Variants in NFASC observed in about 807,000 individuals in gnomAD.
NFASC encodes the protein neurofascin homolog.
Under a neutral mutation model 147.5 loss-of-function variants are expected in NFASC, and 43 were observed. The ratio of observed to expected loss-of-function variants is 0.29; its 90% CI spans 0.23 to 0.38. NFASC has a LOEUF of 0.38. Among genes scored for constraint, NFASC ranks in the 10% least tolerant of loss-of-function variants. The pLI is 1.00. For synonymous variants in NFASC, 622 were observed against 665.5 expected (o/e 0.93, Z 1.01); for missense variants, 1,320 against 1,689.0 (o/e 0.78, Z 3.83).
intron 1 of NFASC, among the ~76,000 whole-genome samples, chr1:204,898,531 G>A (rs2083846171): frequency 6.6e-6 from 1 of 152,236 alleles, no homozygotes; most frequent in African/African-American, 2.4e-5. Flanking sequence ...GTAAGAGGAA[G>A]CATGAAGCAA....
intron 1 of NFASC, among the ~76,000 whole-genome samples, chr1:204,872,058 G>A (rs1053810547): frequency 2.0e-5 from 3 of 152,186 alleles, no homozygotes; most frequent in African/African-American, 4.8e-5. Context: ...TTCAGTGACC[G>A]TACTTAACCC....
At position 204,954,799 on chromosome 1, in the gene NFASC, A is replaced by G. The variant is rs1429683217; in HGVS notation, c.413-30A>G. 2 of 1,612,316 alleles carry G rather than the reference A, an allele frequency of 1.2e-6. No individual in the cohort carries two copies. Among genetic ancestry groups the G allele is most frequent in the Non-Finnish European group, 1.7e-6 (2 of 1,179,038 alleles). ...TGCCCCGGGCCCAGCCATCACCCTCACTTTATCCTCTTTGTCCACTTCTCT... is the reference window on the plus strand; with the variant it reads ...TGCCCCGGGCCCAGCCATCACCCTCGCTTTATCCTCTTTGTCCACTTCTCT... On this transcript the variant is annotated intron_variant, in intron 6 of 29. Coordinates refer to ENST00000339876, the MANE Select transcript of NFASC (RefSeq NM_001005388.3). The surrounding 1 kb of genome is among the most constrained non-coding windows in gnomAD (Gnocchi z 5.7).
In NFASC at chr1:204,944,617, T is replaced by A. The variant is rs1269988582; in HGVS notation, c.91+211T>A. On this transcript the variant is annotated intron_variant, in intron 3 of 29. Transcript: ENST00000339876. Reference sequence around the variant, plus strand: ...GAGACTGTATGTTGCAGAGCCAGTTTCTCAGGGCTGTGGCTGAGCTGATGC... The same window carrying A: ...GAGACTGTATGTTGCAGAGCCAGTTACTCAGGGCTGTGGCTGAGCTGATGC... 3 of 549,670 alleles carry A rather than the reference T, an allele frequency of 5.5e-6. No individual in the cohort carries two copies. In the African/African-American group the frequency reaches 5.8e-5, roughly 11 times the overall value. The allele number at this position is 549,670 out of a possible 1,614,324, so 34.0% of individuals were successfully genotyped here.
chr1:204,922,495 G>T (rs2090689665), intron 2 of NFASC, among the ~76,000 whole-genome samples: 1 of 152,272 alleles, frequency 6.6e-6, no homozygotes, highest in South Asian at 2.1e-4. Context: ...CATTAATTGT[G>T]TCATTTGACT....
At position 205,016,189 on chromosome 1, in the gene NFASC, G is replaced by T; in HGVS notation, c.3492-119G>T. The T allele has an allele frequency of 1.4e-6, 1 of 727,352 alleles. No homozygotes were observed. The highest frequency in any genetic ancestry group is 1.6e-5 in the South Asian group (1 of 63,368). The allele number at this position is 727,352 out of a possible 1,614,324, so 45.1% of individuals were successfully genotyped here. A position where few individuals can be genotyped will look rare whatever the true frequency, so the allele number is the denominator to read the frequency against. On this transcript the variant is annotated intron_variant, in intron 29 of 29. Coordinates refer to ENST00000339876, the MANE Select transcript of NFASC (RefSeq NM_001005388.3). This position sits in a 1 kb window ranked among gnomAD's most constrained non-coding sequence, Gnocchi z 5.1. ...GGCTGGACAGGGGAGGGTGAAGCGG[G>T]GGCTGGACTGGGCGGTCTCCTGGAT...
At position 205,012,883 on chromosome 1, in the gene NFASC, C is replaced by T; in HGVS notation, c.3491+17C>T. On this transcript the variant is annotated intron_variant, in intron 29 of 29. Transcript: ENST00000339876. ...TGACTATAGGTGCGTGATCTCCCTCCTCCTCTCTCAGGCAGGCTGTCCTCC... is the reference window on the plus strand; with the variant it reads ...TGACTATAGGTGCGTGATCTCCCTCTTCCTCTCTCAGGCAGGCTGTCCTCC... 3 of 1,594,754 alleles carry T rather than the reference C, an allele frequency of 1.9e-6. No homozygotes were observed. In the South Asian group the frequency reaches 3.3e-5, roughly 18 times the overall value.
intron 28 of NFASC, 94 bp downstream of exon 28, chr1:205,009,782 T>C: frequency 7.4e-7 from 1 of 1,350,544 alleles, no homozygotes; most frequent in East Asian, 2.5e-5. Flanking sequence ...GAATGTGTTC[T>C]CTCAGTGAAG....
chr1:204,860,929 A>C (rs994861026), intron 1 of NFASC, among the ~76,000 whole-genome samples: 13 of 152,022 alleles, frequency 8.6e-5, no homozygotes, highest in African/African-American at 3.1e-4. Context: ...TGGCTGAATA[A>C]TACTCAATTA....
chr1:204,956,477 G>C (rs2094437623), intron 7 of NFASC, among the ~76,000 whole-genome samples: 1 of 152,186 alleles, frequency 6.6e-6, no homozygotes, highest in Admixed American at 6.5e-5. Flanking sequence ...CCTGGTATAA[G>C]ATATGCAGGC....
intron 1 of NFASC, among the ~76,000 whole-genome samples, chr1:204,879,144 T>C (rs1421415986): frequency 6.6e-6 from 1 of 152,216 alleles, no homozygotes; most frequent in Non-Finnish European, 1.5e-5. Flanking sequence ...TTAATGAACA[T>C]TTTTATTTTG....
rs532795509 is a variant in NFASC, at chr1:204,963,329, G to A, written c.707-4920G>A. Reference sequence around the variant, plus strand: ...GGGGCCAACTACTATTGTGTTAAGAGCCCCAGAGCCCTGGTATGGAATGGG... The same window carrying A: ...GGGGCCAACTACTATTGTGTTAAGAACCCCAGAGCCCTGGTATGGAATGGG... On this transcript the variant is annotated intron_variant, in intron 8 of 29. Coordinates refer to ENST00000339876, the MANE Select transcript of NFASC (RefSeq NM_001005388.3). Among the ~76,000 whole-genome samples, 3 of 152,294 alleles carry A rather than the reference G, an allele frequency of 2.0e-5. No homozygotes were observed. In the South Asian group the frequency reaches 6.2e-4, roughly 32 times the overall value.
At chr1:204,918,584 C>T (rs1484171650) in intron 1 of NFASC, among the ~76,000 whole-genome samples, 1 of 124,812 alleles carries the variant, frequency 8.0e-6, no homozygotes, top group African/African-American at 3.1e-5. Context: ...TTCTTTGAAA[C>T]TTTTTTTTTT....
Position 204,968,282 on chromosome 1 carries a change from T to C in NFASC, c.740T>C (p.Met247Thr). 3 of 1,614,148 alleles carry C rather than the reference T, an allele frequency of 1.9e-6. No homozygotes were observed. The highest frequency in any genetic ancestry group is 2.2e-5 in the East Asian group (1 of 44,872). ...RGVAERTPSF[M>T]YPQGTASSQM... Reference sequence around the variant, plus strand: ...GTTGCAGAAAGAACACCAAGCTTCATGTATCCCCAGGGCACCGCGAGCAGC... The same window carrying C: ...GTTGCAGAAAGAACACCAAGCTTCACGTATCCCCAGGGCACCGCGAGCAGC... The change falls in exon 9 of 30, where the codon ATG becomes ACG. Residue 247 changes from methionine to threonine, a missense_variant. Coordinates refer to ENST00000339876, the MANE Select transcript of NFASC (RefSeq NM_001005388.3). This position sits in a 1 kb window ranked among gnomAD's most constrained non-coding sequence, Gnocchi z 5.4.
chr1:204,984,311 G>GA (rs1179774303), intron 21 of NFASC: 290 of 523,788 alleles, frequency 5.5e-4, no homozygotes, highest in Middle Eastern at 1.4e-3. Context: ...AATATACCCA[G>GA]AAAAAAAAAT....
intron 1 of NFASC, among the ~76,000 whole-genome samples, chr1:204,875,073 TTTGTTGTTGTTG>T (rs3046329): frequency 1.2e-3 from 184 of 150,852 alleles, no homozygotes; most frequent in African/African-American, 3.7e-3. Context: ...GTGGGTCTGC[TTTGTTGTTGTTG>T]TTGTTGTTGT....
rs2094351214 is a variant in NFASC, at chr1:204,954,880, G to A, written c.464G>A (p.Gly155Asp). The A allele has an allele frequency of 6.2e-7, 1 of 1,614,032 alleles. No homozygotes were observed. Among genetic ancestry groups the A allele is most frequent in the Non-Finnish European group, 8.5e-7 (1 of 1,180,024 alleles). ...ENLDPVVVQE[G>D]APLTLQCNPP... ...CTAGACCCTGTCGTGGTCCAAGAGG[G>A]CGCTCCTTTGACGCTCCAGTGCAAC... Residue 155 changes from glycine to aspartate, a missense_variant, in exon 7 of 30, where the codon GGC (glycine) becomes GAC (aspartate). Gly to Asp is a moderately conservative substitution (Grantham distance 94, BLOSUM62 -1). Coordinates refer to ENST00000339876, the MANE Select transcript of NFASC (RefSeq NM_001005388.3). This position sits in a 1 kb window ranked among gnomAD's most constrained non-coding sequence, Gnocchi z 5.7.
intron 1 of NFASC, among the ~76,000 whole-genome samples, chr1:204,874,532 C>T (rs2078364537): frequency 6.6e-6 from 1 of 152,176 alleles, no homozygotes; most frequent in African/African-American, 2.4e-5. Context: ...CAGGGCCCTG[C>T]CCCCGGTTCC....
intron 1 of NFASC, among the ~76,000 whole-genome samples, chr1:204,886,766 A>C (rs1030618819): frequency 3.3e-5 from 5 of 152,170 alleles, no homozygotes; most frequent in Non-Finnish European, 7.4e-5. Flanking sequence ...CAAAGTTGGA[A>C]CTGGAGCCCA....
At chr1:204,926,574 C>T (rs750821933) in intron 2 of NFASC, among the ~76,000 whole-genome samples, 4 of 149,844 alleles carry the variant, frequency 2.7e-5, no homozygotes, top group South Asian at 2.1e-4. Context: ...CCACCATGCC[C>T]GGCTAATTTT....
Sources: allele counts gnomAD v4.1 joint callset (sites outside exome capture counted in the v4.1 genomes callset), GRCh38; gene constraint gnomAD v4.1.1; non-coding constraint Gnocchi (gnomAD v3.1); transcripts MANE v1.5; gene names NCBI Gene and HGNC (gene_info 2026-07-23, HGNC 2026-07-21).